The following GRIP1 variants were observed in gnomAD, a reference collection of about 807,000 sequenced individuals.
GRIP1 encodes the protein glutamate receptor interacting protein 1.
GRIP1 carries 45 observed loss-of-function variants against 129.9 expected under a neutral mutation model. The observed-to-expected ratio is 0.35, with a 90% confidence interval of 0.27 to 0.44. The LOEUF (loss-of-function observed/expected upper bound fraction) is 0.44, where lower values mean the gene tolerates loss of function less well. Among genes scored for constraint, GRIP1 ranks in the 20% least tolerant of loss-of-function variants. The pLI, the probability that GRIP1 is intolerant of heterozygous loss-of-function variation, is 1.00. For synonymous variants in GRIP1, 530 were observed against 520.8 expected, an observed-to-expected ratio of 1.02 and a Z score of -0.24; for missense variants, 1,196 against 1,396.8, an observed-to-expected ratio of 0.86 and a Z score of 2.29.
At chr12:66,634,780 T>C (rs964593742) in intron 1 of GRIP1, among the ~76,000 whole-genome samples, 22 of 152,354 alleles carry the variant, frequency 1.4e-4, no homozygotes, top group Non-Finnish European at 3.2e-4. Flanking sequence ...GAACTAGTGA[T>C]AGAGCTGGGA....
intron 2 of GRIP1, among the ~76,000 whole-genome samples, chr12:66,552,359 A>C (rs1336426580): frequency 6.6e-6 from 1 of 152,184 alleles, no homozygotes; most frequent in East Asian, 1.9e-4. Context: ...AGAGAGATTA[A>C]AATGAAGAAA....
rs6581731 is a variant in GRIP1 at position 67,030,184 on chromosome 12, C to T, written c.58+38866G>A. 9.0e-3 allele frequency among the ~76,000 whole-genome samples: 1,348 copies of T among 150,504 alleles called. 25 individuals are homozygous for T. Among genetic ancestry groups the T allele is most frequent in the African/African-American group, 0.03 (1,245 of 41,056 alleles). On this transcript the variant is annotated intron_variant, in intron 1 of 1. Transcript: ENST00000643019. ...CAAGATCGCCCCACTGCACTCCAGCCTGGGTAACAGAGCGAGACTCTGTCT... is the reference window on the plus strand; with the variant it reads ...CAAGATCGCCCCACTGCACTCCAGCTTGGGTAACAGAGCGAGACTCTGTCT...
chr12:66,798,078 G>A (rs1028005889), intron 1 of GRIP1, among the ~76,000 whole-genome samples: 1 of 152,124 alleles, frequency 6.6e-6, no homozygotes, highest in Non-Finnish European at 1.5e-5. Flanking sequence ...GAGTTTTAAG[G>A]CAGACAAATG....
intron 1 of GRIP1, among the ~76,000 whole-genome samples, chr12:67,066,304 T>A (rs2043624241): frequency 1.3e-5 from 2 of 152,200 alleles, no homozygotes; most frequent in Admixed American, 1.3e-4. Flanking sequence ...GAGATTGGCA[T>A]GTTTTTCTTC....
intron 7 of GRIP1, among the ~76,000 whole-genome samples, chr12:66,507,629 C>T (rs1493488): frequency 0.49 from 74,553 of 151,880 alleles, 18,862 homozygotes; most frequent in African/African-American, 0.63. Flanking sequence ...TCTGAAGACT[C>T]ATAGCAGTCT....
chr12:66,465,967 T>A (rs2059275239), intron 7 of GRIP1, among the ~76,000 whole-genome samples: 1 of 151,966 alleles, frequency 6.6e-6, no homozygotes. Context: ...GATGGGAGGA[T>A]GAATGGATGG....
At chr12:66,619,872 A>G (rs573345838) in intron 1 of GRIP1, among the ~76,000 whole-genome samples, 10 of 152,226 alleles carry the variant, frequency 6.6e-5, no homozygotes, top group Non-Finnish European at 1.5e-4. Flanking sequence ...TTACTATTAT[A>G]TTGTTTTTAA....
chr12:66,576,225 G>C (rs1367148692), intron 2 of GRIP1, among the ~76,000 whole-genome samples: 1 of 152,162 alleles, frequency 6.6e-6, no homozygotes, highest in Non-Finnish European at 1.5e-5. Context: ...GGGACTTTTA[G>C]AAAGATCTCT....
chr12:66,968,670 T>C (rs527589956), intron 1 of GRIP1, among the ~76,000 whole-genome samples: 2 of 152,284 alleles, frequency 1.3e-5, no homozygotes, highest in South Asian at 4.1e-4. Flanking sequence ...TCTTATGACA[T>C]TGTTGTCATT....
At chr12:66,481,669 T>G (rs1373038906) in intron 7 of GRIP1, among the ~76,000 whole-genome samples, 1 of 152,136 alleles carries the variant, frequency 6.6e-6, no homozygotes, top group Non-Finnish European at 1.5e-5. Flanking sequence ...TGCAGCACTG[T>G]TCACAATAGC....
In GRIP1 at chr12:66,667,197, T is replaced by C. The variant is rs141544721; in HGVS notation, c.55+11653A>G. 1.2e-3 allele frequency among the ~76,000 whole-genome samples: 182 copies of C among 152,324 alleles called. 3 individuals carry two copies. The East Asian group carries it at 0.029, about 24-fold the overall frequency. On this transcript the variant is annotated intron_variant, in intron 1 of 24. Transcript: ENST00000359742. ...ACCTATTCAATTGATCTTCTATGTA[T>C]CTACATTTTTCAAGTATTTGCCTTA...
intron 1 of GRIP1, among the ~76,000 whole-genome samples, chr12:66,950,144 T>C (rs953681157): frequency 6.6e-6 from 1 of 152,156 alleles, no homozygotes; most frequent in African/African-American, 2.4e-5. Flanking sequence ...CAAATAATTA[T>C]CAAAAACTTT....
chr12:66,860,761 C>A lies in GRIP1; in HGVS notation c.58+208289G>T, dbSNP rs1045551760. 2.0e-5 allele frequency among the ~76,000 whole-genome samples: 3 copies of A among 151,980 alleles called. No homozygotes were observed. The South Asian group carries it at 6.2e-4, about 32-fold the overall frequency. On this transcript the variant is annotated intron_variant, in intron 1 of 1. Transcript: ENST00000643019. ...GAGAATCTTATTAAAATGCATATTG[C>A]GATACATAATGTCTAGAGTGGGCCT...
chr12:66,367,288 G>T (rs2055209339), intron 23 of GRIP1, among the ~76,000 whole-genome samples: 1 of 152,162 alleles, frequency 6.6e-6, no homozygotes, highest in Non-Finnish European at 1.5e-5. Context: ...TTACTTAGAT[G>T]CAGCCTCATT....
At chr12:66,802,390 G>A (rs1167742858) in intron 1 of GRIP1, among the ~76,000 whole-genome samples, 1 of 152,128 alleles carries the variant, frequency 6.6e-6, no homozygotes, top group African/African-American at 2.4e-5. Context: ...TGACAAATGA[G>A]ATAAAACGTG....
intron 15 of GRIP1, among the ~76,000 whole-genome samples, chr12:66,411,797 TG>T (rs1412803171): frequency 6.6e-6 from 1 of 152,218 alleles, no homozygotes; most frequent in Admixed American, 6.5e-5. Context: ...AATGACCTTA[TG>T]GAGCTGAAAA....
chr12:66,816,821 A>G (rs575186919), intron 1 of GRIP1, among the ~76,000 whole-genome samples: 1 of 152,304 alleles, frequency 6.6e-6, no homozygotes, highest in South Asian at 2.1e-4. Flanking sequence ...TTTGAAAAAA[A>G]CAAAACTAGA....
rs2055828386 is a variant in GRIP1 at position 66,377,232 on chromosome 12, G to A, written c.2675C>T (p.Ser892Phe). The A allele has an allele frequency of 4.3e-6, 7 of 1,613,862 alleles. No individual in the cohort carries two copies. The highest frequency in any genetic ancestry group is 1.6e-4 in the Middle Eastern group (1 of 6,084). ...AETEQEENFW[S>F]QALEDLETCG... ...GGTTTCCAAATCCTCCAGCGCTTGA[G>A]ACCAGAAGTTCTCCTCTTGTTCTGT... The change falls in exon 21 of 25, where the codon TCT becomes TTT. Residue 892 changes from serine to phenylalanine, a missense_variant. Transcript: ENST00000359742.
rs186450293 is a variant in GRIP1, at chr12:66,388,520, T to C, written c.2464+3788A>G. Among the ~76,000 whole-genome samples the C allele has an allele frequency of 1.4e-4, 21 of 152,258 alleles. No homozygotes were observed. In the East Asian group the frequency reaches 3.7e-3, roughly 27 times the overall value. ...TTGCTAAATCCAAGTAAAGCAGTCA[T>C]AGGGTTTTCTCAGAGTTAGAAGGAA... On this transcript the variant is annotated intron_variant, in intron 19 of 24. Coordinates refer to ENST00000359742, the MANE Select transcript of GRIP1 (RefSeq NM_001366722.1).
Sources: gnomAD v4.1 joint callset for allele counts (sites outside exome capture counted in the v4.1 genomes callset) on GRCh38, gnomAD v4.1.1 for gene constraint, MANE v1.5 for transcripts, NCBI Gene and HGNC (gene_info 2026-07-23, HGNC 2026-07-21) for gene names.